JCAD: variants seen among roughly 807,000 people sequenced by gnomAD.
JCAD encodes the protein junctional cadherin 5 associated.
A neutral mutation model predicts 98.0 loss-of-function variants in JCAD; 40 were observed. The observed-to-expected ratio is 0.41, with a 90% CI of 0.32 to 0.53. The LOEUF (loss-of-function observed/expected upper bound fraction) is 0.53, where lower values mean the gene tolerates loss of function less well. Ranked by LOEUF, JCAD falls within the 20% of genes least tolerant of loss-of-function variation. The probability of loss-of-function intolerance (pLI) is 0.31; values close to 1 mark genes in which losing one functional copy is unlikely to be tolerated. For synonymous variants in JCAD, 691 were observed against 682.3 expected (o/e 1.01, Z -0.20); for missense variants, 1,705 against 1,738.1 (o/e 0.98, Z 0.34).
chr10:30,047,817 C>T lies in JCAD; in HGVS notation c.-5G>A, dbSNP rs748460540. On this transcript the variant is annotated 5_prime_UTR_variant, in exon 2 of 4. Transcript: ENST00000375377. ...GAGGTCTTCTACACTGTACATGATG[C>T]CTGGGCTTCAGCAAAGCTCAACCAC... 1.3e-6 allele frequency: 2 copies of T among 1,595,446 alleles called. No individual in the cohort carries two copies. Among genetic ancestry groups the T allele is most frequent in the South Asian group, 2.3e-5 (2 of 88,886 alleles).
At chr10:30,097,816 C>T (rs1024598437) in intron 1 of JCAD, among the ~76,000 whole-genome samples, 1 of 152,068 alleles carries the variant, frequency 6.6e-6, no homozygotes, top group African/African-American at 2.4e-5. Flanking sequence ...ACAATGGCAG[C>T]ACCCTCCAGA....
At chr10:30,042,412 C>T (rs748711571) in intron 2 of JCAD, among the ~76,000 whole-genome samples, 5 of 152,066 alleles carry the variant, frequency 3.3e-5, no homozygotes, top group Non-Finnish European at 7.4e-5. Context: ...AAGCATCCAC[C>T]GGCTGTCTGA....
chr10:30,030,044 G>A (rs1329851817), intron 2 of JCAD, among the ~76,000 whole-genome samples, 178 bp from the exon 3 acceptor site: 1 of 152,208 alleles, frequency 6.6e-6, no homozygotes, highest in Non-Finnish European at 1.5e-5. Flanking sequence ...AGACAGCCAC[G>A]TGTTTTGGCA....
intron 1 of JCAD, among the ~76,000 whole-genome samples, chr10:30,112,269 T>C (rs1420227910): frequency 6.7e-6 from 1 of 150,314 alleles, no homozygotes; most frequent in East Asian, 2.0e-4. Flanking sequence ...AAGCCAGGAG[T>C]TCAAGACCAG....
chr10:30,076,161 T>C (rs1368737708), intron 1 of JCAD, among the ~76,000 whole-genome samples: 1 of 151,996 alleles, frequency 6.6e-6, no homozygotes, highest in Non-Finnish European at 1.5e-5. Context: ...GTAGCTGGGA[T>C]TACAGGTGCC....
intron 3 of JCAD, among the ~76,000 whole-genome samples, chr10:30,021,258 G>A (rs1157341883): frequency 6.6e-6 from 1 of 152,220 alleles, no homozygotes; most frequent in East Asian, 1.9e-4. Flanking sequence ...GAGTGCAGTG[G>A]CACAATCACA....
chr10:30,029,760 C>T lies in JCAD; in HGVS notation c.388G>A (p.Glu130Lys), dbSNP rs774231333. The T allele has an allele frequency of 6.2e-7, 1 of 1,614,244 alleles. No homozygotes were observed. Among genetic ancestry groups the T allele is most frequent in the East Asian group, 2.2e-5 (1 of 44,884 alleles). Residue 130 changes from glutamate (E) to lysine (K), a missense_variant, in exon 3 of 4, where the codon GAG becomes AAG. By Grantham distance (56) the Glu-to-Lys change is moderately conservative. Transcript: ENST00000375377. Reference sequence around the variant, plus strand: ...CCTCTGGCCTCCAGGTTTTCGTGCTCCCTCGGCTTCTGGCTCCTGGCTTCT... The same window carrying T: ...CCTCTGGCCTCCAGGTTTTCGTGCTTCCTCGGCTTCTGGCTCCTGGCTTCT... ...RQEARSQKPR[E>K]HENLEARGMA...
At chr10:30,057,924 A>G (rs1191916103) in intron 1 of JCAD, among the ~76,000 whole-genome samples, 9 of 152,178 alleles carry the variant, frequency 5.9e-5, no homozygotes, top group South Asian at 2.1e-4. Flanking sequence ...CACAAGTCCA[A>G]TGAAATAGAA....
chr10:30,108,279 T>C (rs1425497866), intron 1 of JCAD, among the ~76,000 whole-genome samples: 1 of 150,024 alleles, frequency 6.7e-6, no homozygotes, highest in African/African-American at 2.5e-5. Flanking sequence ...GCCATTATGC[T>C]CCAACCTGGG....
intron 3 of JCAD, among the ~76,000 whole-genome samples, chr10:30,020,339 A>G (rs1034504831): frequency 6.6e-6 from 1 of 151,552 alleles, no homozygotes; most frequent in Non-Finnish European, 1.5e-5. Flanking sequence ...AAAAAAAAAA[A>G]AAAAAAAAGA....
At chr10:30,069,642 A>T (rs1837850965) in intron 2 of JCAD, 1 of 137,704 alleles carries the variant, frequency 7.3e-6, no homozygotes, top group South Asian at 2.6e-4. Flanking sequence ...ATTCTTTAAT[A>T]TATAAAATCC....
intron 1 of JCAD, among the ~76,000 whole-genome samples, chr10:30,054,887 T>A (rs1837537867): frequency 6.6e-6 from 1 of 152,086 alleles, no homozygotes; most frequent in Non-Finnish European, 1.5e-5. Flanking sequence ...GCCAGGATGG[T>A]CTCGATCTCC....
At chr10:30,072,984 G>A (rs192931439) in intron 1 of JCAD, among the ~76,000 whole-genome samples, 17 of 152,288 alleles carry the variant, frequency 1.1e-4, no homozygotes, top group East Asian at 9.6e-4. Flanking sequence ...GAGCCATGGG[G>A]CATGACCAGT....
chr10:30,047,932 T>G (rs1265776263), intron 1 of JCAD, 61 bp from the exon 2 acceptor site: 4 of 1,068,138 alleles, frequency 3.7e-6, no homozygotes, highest in Non-Finnish European at 5.4e-6. Flanking sequence ...GTCTGACACC[T>G]CCTCCTCCCG....
rs991020101 is a variant in JCAD, at chr10:30,016,193, G to A, written c.*1690C>T. ...AGATGAGAACAGGCCGGGACAGCCC[G>A]GCCAGCCGTTTTAGGGCCAAAGGAC... is the stretch of plus-strand genomic sequence containing the variant. On this transcript the variant is annotated 3_prime_UTR_variant, in exon 4 of 4. Transcript: ENST00000375377. The A allele has an allele frequency of 1.3e-5, 2 of 152,154 alleles. No homozygotes were observed. The highest frequency in any genetic ancestry group is 2.9e-5 in the Non-Finnish European group (2 of 68,038). The allele number at this position is 152,154 out of a possible 1,614,324, so 9.4% of individuals were successfully genotyped here.
At chr10:30,068,390 CA>C (rs34060997) in intron 2 of JCAD, among the ~76,000 whole-genome samples, 3,178 of 48,096 alleles carry the variant, frequency 0.066, 21 homozygotes, top group African/African-American at 0.11. Context: ...AACTCTGTCT[CA>C]AAAAAAAAAA....
chr10:30,089,552 T>TGTGTGTG (rs1838226352), intron 1 of JCAD, among the ~76,000 whole-genome samples: 1 of 106,058 alleles, frequency 9.4e-6, no homozygotes, highest in African/African-American at 5.1e-5. Flanking sequence ...GTGTGTGTGT[T>TGTGTGTG]TGCTACTAAT....
At position 30,017,071 on chromosome 10, in the gene JCAD, C is replaced by A. The variant is rs963730586; in HGVS notation, c.*812G>T. The A allele has an allele frequency of 6.6e-6, 1 of 151,932 alleles. No individual in the cohort carries two copies. Among genetic ancestry groups the A allele is most frequent in the African/African-American group, 2.4e-5 (1 of 41,336 alleles). 9.4% of individuals were successfully genotyped at this position (151,932 alleles called of 1,614,324 possible). ...TTACATCATAGAAAAATAGCATTTTCGTAAAAAGAAATATAGTCACTTTGT... is the reference window on the plus strand; with the variant it reads ...TTACATCATAGAAAAATAGCATTTTAGTAAAAAGAAATATAGTCACTTTGT... On this transcript the variant is annotated 3_prime_UTR_variant, in exon 4 of 4. Coordinates refer to ENST00000375377, the MANE Select transcript of JCAD (RefSeq NM_020848.4).
Position 30,027,124 on chromosome 10 carries a change from A to C in JCAD, c.3024T>G (p.Ala1008=). 6.2e-7 allele frequency: 1 copy of C among 1,614,186 alleles called. No individual in the cohort carries two copies. The highest frequency in any genetic ancestry group is 1.3e-5 in the African/African-American group (1 of 75,042). The change falls in exon 3 of 4, where the codon GCT becomes GCG. Residue 1008 remains alanine (A), a synonymous_variant. Transcript: ENST00000375377. ...EPQESPKITS[A]FSSVKPSEAV... ...CTTCACTTGGTTTCACAGAGCTGAA[A>C]GCACTGGTGATTTTCGGACTTTCCT...
Sources: gnomAD v4.1 joint callset for allele counts (sites outside exome capture counted in the v4.1 genomes callset) on GRCh38, gnomAD v4.1.1 for gene constraint, MANE v1.5 for transcripts, NCBI Gene and HGNC (gene_info 2026-07-23, HGNC 2026-07-21) for gene names.